The following RB1CC1 variants were observed in gnomAD, a reference collection of about 807,000 sequenced individuals.
RB1CC1 encodes RB1 inducible coiled-coil 1.
A neutral mutation model predicts 177.5 loss-of-function variants in RB1CC1; 46 were observed. That is an observed-to-expected ratio of 0.26 (90% CI 0.20 to 0.33). The LOEUF (loss-of-function observed/expected upper bound fraction) is 0.33. Among genes scored for constraint, RB1CC1 ranks in the 10% least tolerant of loss-of-function variants. The pLI is 1.00. For missense variants in RB1CC1, 1,703 were observed against 1,816.3 expected (o/e 0.94, Z 1.13); for synonymous variants, 666 against 613.6 (o/e 1.09, Z -1.26).
In RB1CC1 at chr8:52,714,151, TC is replaced by T; in HGVS notation, c.-244del. ...GGCACCATCTTCCGCCGCCGCCTAGTCCTCGGCAGCGGTTACCAACCGCCCA... is the reference window on the plus strand; with the variant it reads ...GGCACCATCTTCCGCCGCCGCCTAGTCTCGGCAGCGGTTACCAACCGCCCA... On this transcript the variant is annotated 5_prime_UTR_variant, in exon 1 of 24. Coordinates refer to ENST00000025008, the MANE Select transcript of RB1CC1 (RefSeq NM_014781.5). The T allele has an allele frequency of 3.6e-6, 1 of 280,402 alleles. No individual in the cohort carries two copies. Among genetic ancestry groups the T allele is most frequent in the Non-Finnish European group, 7.4e-6 (1 of 136,030 alleles). 17.4% of individuals were successfully genotyped at this position (280,402 alleles called of 1,614,324 possible). A position where few individuals can be genotyped will look rare whatever the true frequency, so the allele number is the denominator to read the frequency against.
At chr8:52,707,432 CTTTTTTTT>C (rs386412758) in intron 1 of RB1CC1, among the ~76,000 whole-genome samples, 1 of 128,850 alleles carries the variant, frequency 7.8e-6, no homozygotes, top group African/African-American at 2.9e-5. Context: ...TTCTTTCTTT[CTTTTTTTT>C]TTTTTTTTTT....
chr8:52,668,787 A>G (rs1038635154), intron 7 of RB1CC1, among the ~76,000 whole-genome samples: 1 of 152,166 alleles, frequency 6.6e-6, no homozygotes, highest in African/African-American at 2.4e-5. Flanking sequence ...TGCGTTTTCC[A>G]TAAAAACTGC....
chr8:52,704,439 C>T (rs1856375748), intron 1 of RB1CC1, among the ~76,000 whole-genome samples: 1 of 138,706 alleles, frequency 7.2e-6, no homozygotes, highest in South Asian at 2.3e-4. Flanking sequence ...GACAAGAATT[C>T]ACACAAAGGT....
rs1431860523 is a variant in RB1CC1, at chr8:52,675,716, A to C, written c.572+653T>G. The stretch of plus-strand genomic sequence containing the variant: ...AAACCCCATCTCTACTAAAAATCCA[A>C]AAAAAAAAAAAAAAAAAAAAATTAG... On this transcript the variant is annotated intron_variant, in intron 6 of 23. Coordinates refer to ENST00000025008, the MANE Select transcript of RB1CC1 (RefSeq NM_014781.5). Among the ~76,000 whole-genome samples, 122 of 137,484 alleles carry C rather than the reference A, an allele frequency of 8.9e-4. 2 individuals are homozygous for C. Among genetic ancestry groups the C allele is most frequent in the African/African-American group, 3.1e-3 (109 of 35,106 alleles). The allele number at this position is 137,484 out of a possible 152,430, so 90.2% of individuals were successfully genotyped here.
At chr8:52,641,569 T>C (rs915908045) in intron 18 of RB1CC1, among the ~76,000 whole-genome samples, 3 of 152,086 alleles carry the variant, frequency 2.0e-5, no homozygotes, top group South Asian at 2.1e-4. Context: ...CTGGATCTGT[T>C]TGAACGAGGG....
rs777851237 is a variant in RB1CC1 at position 52,658,951 on chromosome 8, C to T, written c.1715G>A (p.Cys572Tyr). The T allele has an allele frequency of 6.4e-7, 1 of 1,568,596 alleles. No individual in the cohort carries two copies. Among genetic ancestry groups the T allele is most frequent in the Non-Finnish European group, 8.6e-7 (1 of 1,158,358 alleles). Reference sequence around the variant, plus strand: ...TTTTAATGAAATATCTGGAAGTTCACAGTCAAACTTTCGAGGCTTTTGAGT... The same window carrying T: ...TTTTAATGAAATATCTGGAAGTTCATAGTCAAACTTTCGAGGCTTTTGAGT... ...FCTQKPRKFD[C>Y]ELPDISLKDL... Residue 572 changes from cysteine to tyrosine, a missense_variant, in exon 13 of 24, where the codon TGT (cysteine) becomes TAT (tyrosine). Cys to Tyr is a radical substitution (Grantham distance 194, BLOSUM62 -2). Transcript: ENST00000025008.
At chr8:52,658,164 A>G (rs768032576) in intron 13 of RB1CC1, 40 bp from the exon 14 acceptor site, 2 of 1,584,878 alleles carry the variant, frequency 1.3e-6, no homozygotes, top group Non-Finnish European at 1.7e-6. Context: ...CTGATTTTTT[A>G]ATGAACTAGT....
At chr8:52,654,386 A>G (rs1042576933) in intron 15 of RB1CC1, among the ~76,000 whole-genome samples, 20 of 152,242 alleles carry the variant, frequency 1.3e-4, no homozygotes, top group Non-Finnish European at 2.6e-4. Context: ...TTTGGAAGGC[A>G]GAAAAGCAGC....
intron 1 of RB1CC1, among the ~76,000 whole-genome samples, chr8:52,699,836 T>C (rs1312507622): frequency 2.9e-5 from 2 of 68,792 alleles, no homozygotes; most frequent in African/African-American, 4.6e-5. Context: ...AAAAAATATA[T>C]ATATATATAT....
At chr8:52,653,225 G>A (rs1046700479) in intron 15 of RB1CC1, among the ~76,000 whole-genome samples, 1 of 152,162 alleles carries the variant, frequency 6.6e-6, no homozygotes, top group Non-Finnish European at 1.5e-5. Context: ...AGCTTAAAAG[G>A]CTCTGTAGTG....
At chr8:52,633,405 G>A (rs905022186) in intron 20 of RB1CC1, among the ~76,000 whole-genome samples, 4 of 151,952 alleles carry the variant, frequency 2.6e-5, no homozygotes, top group African/African-American at 9.7e-5. Context: ...ATTCTATTGA[G>A]GATAAATAAA....
intron 18 of RB1CC1, among the ~76,000 whole-genome samples, chr8:52,641,595 A>G (rs983805656): frequency 6.6e-6 from 1 of 151,978 alleles, no homozygotes; most frequent in Non-Finnish European, 1.5e-5. Context: ...CGCTGATTCT[A>G]TGATATCTTT....
intron 15 of RB1CC1, among the ~76,000 whole-genome samples, chr8:52,653,698 GGCA>G (rs1850833439): frequency 1.3e-5 from 2 of 152,092 alleles, no homozygotes; most frequent in African/African-American, 2.4e-5. Flanking sequence ...GGAAATGCTT[GGCA>G]GCAGAAGTGG....
chr8:52,630,932 T>C (rs1848706608), intron 20 of RB1CC1, among the ~76,000 whole-genome samples: 1 of 152,168 alleles, frequency 6.6e-6, no homozygotes, highest in Admixed American at 6.6e-5. Flanking sequence ...GCAACTTTAC[T>C]TCTGCAGAAG....
chr8:52,663,951 G>C (rs1851845629), intron 8 of RB1CC1, among the ~76,000 whole-genome samples: 1 of 152,160 alleles, frequency 6.6e-6, no homozygotes, highest in Non-Finnish European at 1.5e-5. Flanking sequence ...GTATTAAACA[G>C]CATGTAATTA....
At chr8:52,708,906 T>C (rs1045537429) in intron 1 of RB1CC1, among the ~76,000 whole-genome samples, 9 of 152,190 alleles carry the variant, frequency 5.9e-5, no homozygotes, top group African/African-American at 1.7e-4. Context: ...GGCAAAATTA[T>C]TTCTAATCAT....
At chr8:52,690,416 T>G (rs1854732331) in intron 1 of RB1CC1, among the ~76,000 whole-genome samples, 1 of 152,214 alleles carries the variant, frequency 6.6e-6, no homozygotes, top group Non-Finnish European at 1.5e-5. Context: ...GAGTTCAGTC[T>G]TGAAGGAGAA....
chr8:52,710,168 G>A (rs1053041841), intron 1 of RB1CC1, among the ~76,000 whole-genome samples: 1 of 152,200 alleles, frequency 6.6e-6, no homozygotes, highest in South Asian at 2.1e-4. Flanking sequence ...CAAATCAGAT[G>A]TATTCTAATC....
At chr8:52,710,647 T>A (rs1856980638) in intron 1 of RB1CC1, among the ~76,000 whole-genome samples, 1 of 152,140 alleles carries the variant, frequency 6.6e-6, no homozygotes, top group African/African-American at 2.4e-5. Context: ...AATGCATGAT[T>A]TTAGTGAAAA....
Sources: gnomAD v4.1 joint callset for allele counts (sites outside exome capture counted in the v4.1 genomes callset) on GRCh38, gnomAD v4.1.1 for gene constraint, MANE v1.5 for transcripts, NCBI Gene and HGNC (gene_info 2026-07-23, HGNC 2026-07-21) for gene names.